Variants in ATOSA observed in about 807,000 individuals in gnomAD.
ATOSA encodes atos homolog protein A.
the ATOSA span, among the ~76,000 whole-genome samples, chr15:52,689,792 G>A: frequency 2.0e-5 from 3 of 152,198 alleles, no homozygotes; most frequent in African/African-American, 4.8e-5. Context: ...CTGATGGGAA[G>A]GTAGTGATGT....
chr15:52,669,911 GA>G, the ATOSA span, among the ~76,000 whole-genome samples: 1 of 152,060 alleles, frequency 6.6e-6, no homozygotes, highest in African/African-American at 2.4e-5. Flanking sequence ...CTGAAACAAA[GA>G]AAAAAGCAGT....
the ATOSA span, chr15:52,677,956 T>C: frequency 5.0e-6 from 8 of 1,612,208 alleles, no homozygotes; most frequent in East Asian, 6.7e-5. Flanking sequence ...AATTGAGGCA[T>C]AGAAAAGAAG....
chr15:52,703,288 T>C, the ATOSA span, among the ~76,000 whole-genome samples: 1 of 152,168 alleles, frequency 6.6e-6, no homozygotes, highest in East Asian at 1.9e-4. Context: ...AGGAAAATTT[T>C]AGGGGTGATA....
the ATOSA span, among the ~76,000 whole-genome samples, chr15:52,624,925 T>G: frequency 5.9e-5 from 9 of 151,780 alleles, no homozygotes; most frequent in Non-Finnish European, 1.5e-5. Flanking sequence ...TTACAGGCAC[T>G]TGCCACCACG....
At chr15:52,681,915 C>T in the ATOSA span, among the ~76,000 whole-genome samples, 5 of 152,302 alleles carry the variant, frequency 3.3e-5, no homozygotes, top group South Asian at 2.1e-4. Context: ...AAGGCTGTTA[C>T]GATGACCAAA....
chr15:52,670,524 C>T, the ATOSA span, among the ~76,000 whole-genome samples: 4 of 152,208 alleles, frequency 2.6e-5, no homozygotes, highest in South Asian at 4.1e-4. Flanking sequence ...CATTATAGTA[C>T]GCTGCTAAAA....
At chr15:52,620,562 G>C in the ATOSA span, among the ~76,000 whole-genome samples, 1 of 152,238 alleles carries the variant, frequency 6.6e-6, no homozygotes, top group African/African-American at 2.4e-5. Context: ...GCCTGCCAGA[G>C]AAGGAGAAGG....
chr15:52,612,024 G>T, the ATOSA span, among the ~76,000 whole-genome samples: 1 of 151,962 alleles, frequency 6.6e-6, no homozygotes, highest in Non-Finnish European at 1.5e-5. Flanking sequence ...TTGCTCTGTC[G>T]CCCAGGCTGG....
chr15:52,651,992 G>A, the ATOSA span: 5 of 1,528,262 alleles, frequency 3.3e-6, no homozygotes, highest in Non-Finnish European at 4.4e-6. Context: ...GTCTGCAGCG[G>A]TTAAAACAAA....
chr15:52,626,155 T>A, the ATOSA span, among the ~76,000 whole-genome samples: 1 of 152,184 alleles, frequency 6.6e-6, no homozygotes. Flanking sequence ...CCTAAATTTG[T>A]AAAATCATTT....
the ATOSA span, chr15:52,582,125 G>A: frequency 6.5e-7 from 1 of 1,530,106 alleles, no homozygotes; most frequent in South Asian, 1.3e-5. Context: ...CTTGGGTACT[G>A]AGTAAATACT....
chr15:52,605,053 T>C, the ATOSA span: 2 of 979,820 alleles, frequency 2.0e-6, no homozygotes, highest in Admixed American at 2.8e-5. Flanking sequence ...TTTTTTTCAA[T>C]TAAAATTTGA....
At chr15:52,706,464 G>A in the ATOSA span, among the ~76,000 whole-genome samples, 2 of 152,306 alleles carry the variant, frequency 1.3e-5, no homozygotes, top group East Asian at 1.9e-4. Flanking sequence ...GCAAATGAAT[G>A]CAATGATGTT....
At chr15:52,701,349 G>A in the ATOSA span, among the ~76,000 whole-genome samples, 1 of 152,176 alleles carries the variant, frequency 6.6e-6, no homozygotes, top group South Asian at 2.1e-4. Context: ...TGAGGCTGGA[G>A]AATCACTTGA....
chr15:52,594,340 TCC>T, the ATOSA span, among the ~76,000 whole-genome samples: 1 of 152,116 alleles, frequency 6.6e-6, no homozygotes, highest in East Asian at 1.9e-4. Context: ...TATCCATCCC[TCC>T]CCCAAGGTCA....
At chr15:52,584,801 A>C in the ATOSA span, 1 of 1,613,792 alleles carries the variant, frequency 6.2e-7, no homozygotes, top group Non-Finnish European at 8.5e-7. Context: ...TGTTCTCTTT[A>C]TTAACACTTC....
chr15:52,587,016 G>A, the ATOSA span: 1 of 1,537,292 alleles, frequency 6.5e-7, no homozygotes, highest in Non-Finnish European at 8.7e-7. Context: ...GGGCAGAGCA[G>A]GGGAACTCCA....
the ATOSA span, among the ~76,000 whole-genome samples, chr15:52,632,230 A>T: frequency 6.6e-6 from 1 of 152,240 alleles, no homozygotes; most frequent in South Asian, 2.1e-4. Flanking sequence ...ACTACAACTT[A>T]AGCAAGTAGT....
chr15:52,651,981 T>G, the ATOSA span: 1 of 1,532,468 alleles, frequency 6.5e-7, no homozygotes. Context: ...GGGATCCAGA[T>G]GTCTGCAGCG....
Sources: allele counts gnomAD v4.1 joint callset (sites outside exome capture counted in the v4.1 genomes callset), GRCh38; gene constraint gnomAD v4.1.1; transcripts MANE v1.5; gene names NCBI Gene and HGNC (gene_info 2026-07-23, HGNC 2026-07-21).